The following DCTD variants were observed in gnomAD, a reference collection of about 807,000 sequenced individuals.
DCTD encodes the protein deoxycytidylate deaminase.
Under a neutral mutation model 21.0 loss-of-function variants are expected in DCTD, and 23 were observed. The observed-to-expected ratio is 1.09, with a 90% CI of 0.79 to 1.55. The LOEUF is 1.55. Among genes scored for constraint, DCTD ranks in the 40% most tolerant of loss-of-function variants. The probability of loss-of-function intolerance (pLI) is 0.00; values close to 1 mark genes in which losing one functional copy is unlikely to be tolerated. For missense variants in DCTD, 224 were observed against 230.0 expected (o/e 0.97, Z 0.17); for synonymous variants, 71 against 81.1 (o/e 0.88, Z 0.67).
intron 3 of DCTD, among the ~76,000 whole-genome samples, chr4:182,903,552 G>A (rs114244110): frequency 0.012 from 1,834 of 152,286 alleles, 11 homozygotes; most frequent in Non-Finnish European, 0.018. Flanking sequence ...TGCCCAGAGA[G>A]GAGGGCTCTG....
chr4:182,899,587 A>G (rs34083060), intron 3 of DCTD, among the ~76,000 whole-genome samples: 34,745 of 151,522 alleles, frequency 0.23, 4,390 homozygotes, highest in Non-Finnish European at 0.3. Flanking sequence ...TTTTAGTAGA[A>G]ACAGGGTTTC....
intron 5 of DCTD, 107 bp downstream of exon 5, chr4:182,892,924 C>A (rs1243236896): frequency 1.4e-6 from 1 of 701,564 alleles, no homozygotes; most frequent in African/African-American, 1.8e-5. Context: ...TCTAAAGACA[C>A]CTCCAAGTGT....
chr4:182,904,621 C>T (rs17272827), intron 3 of DCTD, among the ~76,000 whole-genome samples: 3 of 152,048 alleles, frequency 2.0e-5, no homozygotes, highest in East Asian at 1.9e-4. Context: ...CCGCCCAACT[C>T]GAGATTCTCA....
intron 3 of DCTD, among the ~76,000 whole-genome samples, chr4:182,910,177 G>A (rs1737430601): frequency 6.6e-6 from 1 of 152,098 alleles, no homozygotes; most frequent in African/African-American, 2.4e-5. Context: ...CCATTGGGTG[G>A]GATAGGAGGC....
At chr4:182,916,708 G>T in intron 1 of DCTD, 1 of 1,051,016 alleles carries the variant, frequency 9.5e-7, no homozygotes, top group Non-Finnish European at 1.2e-6. Context: ...TCGCTGTGGG[G>T]TGCTGGAGAA....
At chr4:182,905,455 A>C (rs1238193776) in intron 3 of DCTD, among the ~76,000 whole-genome samples, 2 of 151,436 alleles carry the variant, frequency 1.3e-5, no homozygotes, top group South Asian at 2.1e-4. Context: ...CAGCCTCCCA[A>C]GTAGCTGGGA....
intron 3 of DCTD, among the ~76,000 whole-genome samples, chr4:182,905,411 C>T (rs571941057): frequency 1.3e-5 from 2 of 151,094 alleles, no homozygotes; most frequent in South Asian, 4.2e-4. Context: ...TCACTGCAAC[C>T]TCCGCCTCCC....
intron 3 of DCTD, among the ~76,000 whole-genome samples, chr4:182,907,087 A>C (rs1257227631): frequency 6.6e-6 from 1 of 152,216 alleles, no homozygotes; most frequent in Admixed American, 6.5e-5. Context: ...AAGAGTTTTC[A>C]GCGTGTCCCA....
chr4:182,901,063 T>G (rs1244781724), intron 3 of DCTD, among the ~76,000 whole-genome samples: 2 of 152,200 alleles, frequency 1.3e-5, no homozygotes, highest in African/African-American at 4.8e-5. Context: ...CTGGTTAGAT[T>G]TAAGAGTTCA....
At chr4:182,900,312 T>C (rs1327022209) in intron 3 of DCTD, among the ~76,000 whole-genome samples, 1 of 150,728 alleles carries the variant, frequency 6.6e-6, no homozygotes, top group African/African-American at 2.4e-5. Context: ...CAAGACCCCA[T>C]CTCAGAAAAA....
intron 3 of DCTD, among the ~76,000 whole-genome samples, chr4:182,900,987 A>T (rs1461257726): frequency 6.6e-6 from 1 of 152,142 alleles, no homozygotes; most frequent in Non-Finnish European, 1.5e-5. Context: ...GGGCTTGATT[A>T]ATCCTTACTG....
rs1357997800 is a variant in DCTD, at chr4:182,917,277, GGGCCGCGTACCC to G, written c.-8+22_-8+33del. On this transcript the variant is annotated intron_variant, in intron 1 of 5. Transcript: ENST00000438320. The surrounding 1 kb of genome is among the most constrained non-coding windows in gnomAD (Gnocchi z 4.9). ...CACGCGGCGGTGGCTAGGGGCGCGC[GGGCCGCGTACCC>G]GCACGGCTGGCCCCCGCCCACCATC... The G allele has an allele frequency of 8.7e-6, 9 of 1,038,746 alleles. No individual in the cohort carries two copies. In the African/African-American group the frequency reaches 1.5e-4, roughly 18 times the overall value. 64.3% of individuals were successfully genotyped at this position (1,038,746 alleles called of 1,614,324 possible).
At chr4:182,901,290 G>A (rs76635533) in intron 3 of DCTD, among the ~76,000 whole-genome samples, 2 of 152,252 alleles carry the variant, frequency 1.3e-5, no homozygotes, top group East Asian at 1.9e-4. Context: ...GGAACTACTG[G>A]GGCCTGAGAA....
chr4:182,906,616 C>A (rs970860921), intron 3 of DCTD, among the ~76,000 whole-genome samples: 3 of 152,220 alleles, frequency 2.0e-5, no homozygotes, highest in Non-Finnish European at 4.4e-5. Context: ...GGTAAGAGAA[C>A]AGGTGACTCG....
intron 3 of DCTD, among the ~76,000 whole-genome samples, chr4:182,913,613 G>A (rs1026441602): frequency 3.9e-5 from 6 of 152,174 alleles, no homozygotes; most frequent in African/African-American, 9.7e-5. Flanking sequence ...AAGAAAGGTC[G>A]TACATCACGC....
chr4:182,897,306 A>C (rs7678108), intron 3 of DCTD, among the ~76,000 whole-genome samples: 149,312 of 149,956 alleles, frequency 1, 74,338 homozygotes, highest in Middle Eastern at 1. Context: ...ATATATATAT[A>C]TGAATATTAA....
intron 3 of DCTD, among the ~76,000 whole-genome samples, chr4:182,905,466 C>T (rs970421395): frequency 6.6e-6 from 1 of 151,704 alleles, no homozygotes; most frequent in Non-Finnish European, 1.5e-5. Flanking sequence ...GTAGCTGGGA[C>T]TACAGGCACG....
At chr4:182,907,058 T>TA (rs1736844362) in intron 3 of DCTD, among the ~76,000 whole-genome samples, 1 of 152,264 alleles carries the variant, frequency 6.6e-6, no homozygotes, top group Non-Finnish European at 1.5e-5. Flanking sequence ...TATTTGGTCT[T>TA]AACCTCTTGT....
At position 182,893,130 on chromosome 4, in the gene DCTD, GT is replaced by G; in HGVS notation, c.362-4del. 1 of 1,569,284 alleles carries G rather than the reference GT, an allele frequency of 6.4e-7. No homozygotes were observed. The highest frequency in any genetic ancestry group is 8.8e-7 in the Non-Finnish European group (1 of 1,141,338). ...CATGAAAATCACTTCTTTTATACCTGTAAGGTAACAATGGGAGCTCCCTTAG... is the reference window on the plus strand; with the variant it reads ...CATGAAAATCACTTCTTTTATACCTGAAGGTAACAATGGGAGCTCCCTTAG... On this transcript the variant is annotated splice_region_variant and splice_polypyrimidine_tract_variant and intron_variant, in intron 4 of 5. Coordinates refer to ENST00000438320, the MANE Select transcript of DCTD (RefSeq NM_001921.3).
Sources: allele counts gnomAD v4.1 joint callset (sites outside exome capture counted in the v4.1 genomes callset), GRCh38; gene constraint gnomAD v4.1.1; non-coding constraint Gnocchi (gnomAD v3.1); transcripts MANE v1.5; gene names NCBI Gene and HGNC (gene_info 2026-07-23, HGNC 2026-07-21).